Variants in DLG2 observed in about 807,000 individuals in gnomAD.
DLG2 encodes the protein discs large MAGUK scaffold protein 2, also known as disks large homolog 2.
In DLG2, 45 loss-of-function variants were observed where a neutral mutation model predicts 132.5. That is an observed-to-expected ratio of 0.34 (90% CI 0.27 to 0.44). The LOEUF is 0.44. DLG2 is among the 20% of genes least tolerant of loss of function. The pLI, the probability that DLG2 is intolerant of heterozygous loss-of-function variation, is 1.00. For synonymous variants in DLG2, 424 were observed against 419.6 expected, an observed-to-expected ratio of 1.01 and a Z score of -0.13; for missense variants, 1,045 against 1,196.9, an observed-to-expected ratio of 0.87 and a Z score of 1.87.
At chr11:85,480,001 C>T (rs951629033) in intron 3 of DLG2, among the ~76,000 whole-genome samples, 6 of 152,134 alleles carry the variant, frequency 3.9e-5, no homozygotes, top group Admixed American at 2.0e-4. Flanking sequence ...AATACCATTA[C>T]GTTCTGAGGT....
intron 7 of DLG2, among the ~76,000 whole-genome samples, chr11:84,376,569 C>T (rs950195118): frequency 2.0e-5 from 3 of 151,866 alleles, no homozygotes; most frequent in Admixed American, 6.6e-5. Flanking sequence ...AGTCTAAAAA[C>T]TTTTCATGAA....
At chr11:85,508,009 C>T (rs1041801917) in intron 3 of DLG2, among the ~76,000 whole-genome samples, 1 of 152,066 alleles carries the variant, frequency 6.6e-6, no homozygotes, top group Admixed American at 6.6e-5. Context: ...GCTACTGAAG[C>T]TTGTGCATGC....
chr11:84,711,235 T>C (rs1342463684), intron 6 of DLG2, among the ~76,000 whole-genome samples: 1 of 151,006 alleles, frequency 6.6e-6, no homozygotes, highest in Non-Finnish European at 1.5e-5. Context: ...TGTACCTTAC[T>C]AGACAAGAAT....
intron 6 of DLG2, among the ~76,000 whole-genome samples, chr11:85,030,161 C>CT (rs1475134015): frequency 6.6e-6 from 1 of 152,180 alleles, no homozygotes; most frequent in Non-Finnish European, 1.5e-5. Context: ...TAAAGTTTTA[C>CT]TTTTGTCAAT....
chr11:84,513,341 A>C, intron 7 of DLG2, among the ~76,000 whole-genome samples: 1 of 152,040 alleles, frequency 6.6e-6, no homozygotes, highest in Non-Finnish European at 1.5e-5. Context: ...ACAATCCTAA[A>C]ATTTAAACAG....
chr11:84,991,573 A>C (rs1408455323), intron 6 of DLG2, among the ~76,000 whole-genome samples: 1 of 151,456 alleles, frequency 6.6e-6, no homozygotes, highest in Non-Finnish European at 1.5e-5. Flanking sequence ...GAGGAGGAGG[A>C]GGAGAAAAAC....
At chr11:84,726,223 G>C (rs994285335) in intron 6 of DLG2, among the ~76,000 whole-genome samples, 2 of 151,956 alleles carry the variant, frequency 1.3e-5, no homozygotes, top group African/African-American at 4.8e-5. Flanking sequence ...CCATCATCCC[G>C]TCTCCTACGT....
intron 19 of DLG2, among the ~76,000 whole-genome samples, chr11:83,579,321 T>C (rs2096931042): frequency 6.6e-6 from 1 of 152,240 alleles, no homozygotes; most frequent in Non-Finnish European, 1.5e-5. Context: ...TGCTCTATTT[T>C]CTCAGCTGTT....
chr11:83,901,185 C>T (rs575043039), intron 15 of DLG2, among the ~76,000 whole-genome samples: 13 of 152,336 alleles, frequency 8.5e-5, no homozygotes, highest in Admixed American at 4.6e-4. Context: ...TTTGATTTTA[C>T]AGGCTCATAG....
chr11:84,248,465 T>G (rs186793279), intron 8 of DLG2, among the ~76,000 whole-genome samples: 127 of 152,232 alleles, frequency 8.3e-4, no homozygotes, highest in African/African-American at 3.0e-3. Context: ...CATACTACCA[T>G]GATAATTGGG....
intron 6 of DLG2, among the ~76,000 whole-genome samples, chr11:84,693,947 GT>G (rs1264862047): frequency 1.3e-5 from 2 of 151,534 alleles, no homozygotes; most frequent in Non-Finnish European, 3.0e-5. Context: ...CTCTCTATGG[GT>G]TTTTTGTTCA....
At chr11:84,088,386 AAAC>A (rs2097028378) in intron 10 of DLG2, among the ~76,000 whole-genome samples, 1 of 152,028 alleles carries the variant, frequency 6.6e-6, no homozygotes, top group Non-Finnish European at 1.5e-5. Flanking sequence ...AAAAAAAAAA[AAAC>A]AAAAATCCAA....
intron 7 of DLG2, among the ~76,000 whole-genome samples, chr11:84,486,899 T>C (rs183881759): frequency 5.5e-4 from 84 of 152,226 alleles, no homozygotes; most frequent in African/African-American, 9.1e-4. Flanking sequence ...TCTTGATAAA[T>C]TGAAGATATA....
intron 4 of DLG2, among the ~76,000 whole-genome samples, chr11:85,273,343 A>G (rs1212041028): frequency 2.6e-5 from 4 of 152,184 alleles, no homozygotes; most frequent in African/African-American, 9.6e-5. Context: ...AGAAATTTTT[A>G]CAATCTACCC....
chr11:84,912,377 C>G (rs954793369), intron 6 of DLG2, among the ~76,000 whole-genome samples: 1 of 152,142 alleles, frequency 6.6e-6, no homozygotes, highest in Non-Finnish European at 1.5e-5. Context: ...AGGATGGTCT[C>G]GATCTCCTGA....
intron 6 of DLG2, among the ~76,000 whole-genome samples, chr11:84,853,946 A>C (rs2082463093): frequency 6.6e-6 from 1 of 152,054 alleles, no homozygotes; most frequent in Non-Finnish European, 1.5e-5. Context: ...TTAAGGAATC[A>C]GTAAGAGAAC....
Position 85,474,750 on chromosome 11 carries a change from T to C in DLG2, c.40+123907A>G, listed in dbSNP as rs1397527404. 2.0e-5 allele frequency among the ~76,000 whole-genome samples: 3 copies of C among 151,688 alleles called. No individual in the cohort carries two copies. The East Asian group carries it at 5.8e-4, about 29-fold the overall frequency. ...AAGGAATTAATTTTAATTTTAGTTT[T>C]AATTCATTTAATTTAATTAAAATTT... On this transcript the variant is annotated intron_variant, in intron 3 of 27. Coordinates refer to ENST00000376104, the MANE Select transcript of DLG2 (RefSeq NM_001142699.3).
chr11:84,198,688 A>C (rs775663096), intron 8 of DLG2, among the ~76,000 whole-genome samples: 1 of 152,208 alleles, frequency 6.6e-6, no homozygotes, highest in Non-Finnish European at 1.5e-5. Context: ...AAAAATTATA[A>C]AGTGGAGTGC....
chr11:83,906,314 CACACACCTCGG>C (rs2074952177), intron 15 of DLG2, among the ~76,000 whole-genome samples: 1 of 132,186 alleles, frequency 7.6e-6, no homozygotes, highest in African/African-American at 2.8e-5. Flanking sequence ...CACACACACA[CACACACCTCGG>C]CCTCCCAAAG....
Sources: allele counts gnomAD v4.1 joint callset (sites outside exome capture counted in the v4.1 genomes callset), GRCh38; gene constraint gnomAD v4.1.1; transcripts MANE v1.5; gene names NCBI Gene and HGNC (gene_info 2026-07-23, HGNC 2026-07-21).